Variants in SGCZ observed in about 807,000 individuals in gnomAD.
SGCZ encodes the protein zeta-sarcoglycan.
In SGCZ, 40 loss-of-function variants were observed where a neutral mutation model predicts 41.3. The observed-to-expected ratio is 0.97, with a 90% CI of 0.75 to 1.26. The LOEUF (loss-of-function observed/expected upper bound fraction) is 1.26. Among genes scored for constraint, SGCZ ranks in the 50% most tolerant of loss-of-function variants. The pLI is 0.00. For synonymous variants in SGCZ, 206 were observed against 137.5 expected, an observed-to-expected ratio of 1.50 and a Z score of -3.49; for missense variants, 552 against 369.8, an observed-to-expected ratio of 1.49 and a Z score of -4.04.
intron 1 of SGCZ, among the ~76,000 whole-genome samples, chr8:14,762,111 T>C (rs1799902806): frequency 6.6e-6 from 1 of 152,186 alleles, no homozygotes. Flanking sequence ...TTTTCCAAAA[T>C]GGAAGCGTTC....
At chr8:14,600,033 C>A (rs923801855) in intron 1 of SGCZ, among the ~76,000 whole-genome samples, 2 of 152,100 alleles carry the variant, frequency 1.3e-5, no homozygotes, top group African/African-American at 4.8e-5. Flanking sequence ...TTATCCTCAG[C>A]AAGGAAGCAA....
At chr8:14,360,395 A>T in intron 2 of SGCZ, among the ~76,000 whole-genome samples, 1 of 151,602 alleles carries the variant, frequency 6.6e-6, no homozygotes, top group Non-Finnish European at 1.5e-5. Context: ...GCATGATCTC[A>T]ACTCGCTGTA....
intron 1 of SGCZ, among the ~76,000 whole-genome samples, chr8:15,003,549 A>C (rs1430919677): frequency 3.3e-5 from 5 of 152,240 alleles, no homozygotes; most frequent in Non-Finnish European, 5.9e-5. Context: ...ATACAATTAA[A>C]AAGTAGAAAA....
At chr8:14,539,334 T>A (rs1803388359) in intron 2 of SGCZ, among the ~76,000 whole-genome samples, 1 of 151,912 alleles carries the variant, frequency 6.6e-6, no homozygotes, top group Admixed American at 6.6e-5. Flanking sequence ...TCTGTTTGTC[T>A]GGAGAACCCT....
At chr8:14,292,496 A>C (rs997759925) in intron 3 of SGCZ, among the ~76,000 whole-genome samples, 1 of 152,094 alleles carries the variant, frequency 6.6e-6, no homozygotes, top group Non-Finnish European at 1.5e-5. Flanking sequence ...CAAAGAATTC[A>C]ACATACTCTG....
At chr8:14,300,773 T>G (rs1585336802) in intron 3 of SGCZ, among the ~76,000 whole-genome samples, 1 of 151,962 alleles carries the variant, frequency 6.6e-6, no homozygotes, top group African/African-American at 2.4e-5. Context: ...ATGTCTTCTT[T>G]TGAGAAATTT....
chr8:14,627,423 G>T (rs1215284649), intron 1 of SGCZ, among the ~76,000 whole-genome samples: 1 of 151,998 alleles, frequency 6.6e-6, no homozygotes, highest in Non-Finnish European at 1.5e-5. Flanking sequence ...GATCATTTTT[G>T]ATCCATTGTG....
At chr8:14,284,123 G>A (rs1800540078) in intron 3 of SGCZ, among the ~76,000 whole-genome samples, 1 of 152,182 alleles carries the variant, frequency 6.6e-6, no homozygotes, top group Admixed American at 6.5e-5. Context: ...TGAGCCTCGT[G>A]GCCAATGCCT....
intron 1 of SGCZ, among the ~76,000 whole-genome samples, chr8:14,585,704 C>CA (rs1805034398): frequency 6.6e-6 from 1 of 151,942 alleles, no homozygotes; most frequent in South Asian, 2.1e-4. Context: ...CAAACATTAA[C>CA]AAAAAATATA....
intron 1 of SGCZ, among the ~76,000 whole-genome samples, chr8:14,672,630 C>T (rs1334747488): frequency 6.6e-6 from 1 of 152,118 alleles, no homozygotes; most frequent in Non-Finnish European, 1.5e-5. Flanking sequence ...TGGGAAACTA[C>T]AAGAAAAGCT....
At chr8:14,191,477 G>C (rs1384653892) in intron 4 of SGCZ, among the ~76,000 whole-genome samples, 2 of 152,148 alleles carry the variant, frequency 1.3e-5, no homozygotes, top group Admixed American at 6.5e-5. Context: ...CTTAGGTATA[G>C]ATCTTTAATC....
At chr8:14,608,458 C>A (rs560635366) in intron 1 of SGCZ, among the ~76,000 whole-genome samples, 1 of 151,364 alleles carries the variant, frequency 6.6e-6, no homozygotes, top group African/African-American at 2.4e-5. Context: ...AGGCGGGGGG[C>A]AGATGTGTCA....
chr8:14,438,903 T>C (rs530541956), intron 2 of SGCZ, among the ~76,000 whole-genome samples: 5 of 152,066 alleles, frequency 3.3e-5, no homozygotes, highest in Non-Finnish European at 5.9e-5. Context: ...TATATTATAA[T>C]GATCTTGTAA....
At chr8:14,215,081 C>A (rs1438501992) in intron 4 of SGCZ, among the ~76,000 whole-genome samples, 2 of 152,048 alleles carry the variant, frequency 1.3e-5, no homozygotes, top group Non-Finnish European at 2.9e-5. Flanking sequence ...TTTCAAGTGA[C>A]CATAGAACCT....
At position 14,443,796 on chromosome 8, in the gene SGCZ, A is replaced by C. The variant is rs1000226694; in HGVS notation, c.234+110936T>G. Among the ~76,000 whole-genome samples, 44 of 152,062 alleles carry C rather than the reference A, an allele frequency of 2.9e-4. 2 individuals carry two copies. The South Asian group carries it at 7.5e-3, about 26-fold the overall frequency. Reference sequence around the variant, plus strand: ...ACACCAAAAGCCATGGCAACAAAAGACAAAATTGACAAATGGGATCTAATT... The same window carrying C: ...ACACCAAAAGCCATGGCAACAAAAGCCAAAATTGACAAATGGGATCTAATT... On this transcript the variant is annotated intron_variant, in intron 2 of 7. Coordinates refer to ENST00000382080, the MANE Select transcript of SGCZ (RefSeq NM_139167.4).
At chr8:14,810,992 T>C (rs1249432294) in intron 1 of SGCZ, among the ~76,000 whole-genome samples, 1 of 152,082 alleles carries the variant, frequency 6.6e-6, no homozygotes, top group South Asian at 2.1e-4. Context: ...TAAATTTTGA[T>C]GTACAACATT....
Position 14,212,317 on chromosome 8 carries a change from A to G in SGCZ, c.424+25275T>C, listed in dbSNP as rs189107946. ...GGGAGCAACTCTCTTTCCTATGGCC[A>G]CGGCATCTCCAACGCCTTACCCATA... On this transcript the variant is annotated intron_variant, in intron 4 of 7. Coordinates refer to ENST00000382080, the MANE Select transcript of SGCZ (RefSeq NM_139167.4). Among the ~76,000 whole-genome samples the G allele has an allele frequency of 8.4e-4, 128 of 152,244 alleles. 1 individual carries two copies. Among genetic ancestry groups the G allele is most frequent in the Non-Finnish European group, 1.2e-3 (79 of 68,028 alleles).
At chr8:14,785,040 T>A (rs763363213) in intron 1 of SGCZ, among the ~76,000 whole-genome samples, 44 of 147,630 alleles carry the variant, frequency 3.0e-4, no homozygotes, top group Non-Finnish European at 5.4e-4. Flanking sequence ...AGAAAAAGGA[T>A]TTGTATTAGC....
intron 2 of SGCZ, among the ~76,000 whole-genome samples, chr8:14,344,341 C>T (rs1242988588): frequency 6.8e-6 from 1 of 147,514 alleles, no homozygotes; most frequent in Non-Finnish European, 1.5e-5. Flanking sequence ...AGGAAAAATA[C>T]AAAAAAAAAG....
Sources: gnomAD v4.1 joint callset for allele counts (sites outside exome capture counted in the v4.1 genomes callset) on GRCh38, gnomAD v4.1.1 for gene constraint, MANE v1.5 for transcripts, NCBI Gene and HGNC (gene_info 2026-07-23, HGNC 2026-07-21) for gene names.